The following DPP10 variants were observed in gnomAD, a reference collection of about 807,000 sequenced individuals.
DPP10 encodes dipeptidyl peptidase like 10.
DPP10 carries 33 observed loss-of-function variants against 120.9 expected under a neutral mutation model. That is an observed-to-expected ratio of 0.27 (90% CI 0.21 to 0.37). DPP10 has a LOEUF of 0.37. Ranked by LOEUF, DPP10 falls within the 10% of genes least tolerant of loss-of-function variation. The probability of loss-of-function intolerance (pLI) is 1.00; values close to 1 mark genes in which losing one functional copy is unlikely to be tolerated. For synonymous variants in DPP10, 337 were observed against 326.1 expected, an observed-to-expected ratio of 1.03 and a Z score of -0.36; for missense variants, 816 against 942.8, an observed-to-expected ratio of 0.87 and a Z score of 1.76.
chr2:115,251,492 C>G (rs1028443795), intron 1 of DPP10, among the ~76,000 whole-genome samples: 2 of 151,542 alleles, frequency 1.3e-5, no homozygotes, highest in African/African-American at 4.9e-5. Flanking sequence ...GACAAAAAAT[C>G]CCCAGGATCT....
intron 1 of DPP10, among the ~76,000 whole-genome samples, chr2:114,652,532 C>T (rs1342147199): frequency 6.6e-6 from 1 of 152,210 alleles, no homozygotes; most frequent in Non-Finnish European, 1.5e-5. Flanking sequence ...GTCTAAGCAG[C>T]AGGTGTTACG....
chr2:115,544,152 A>G (rs1405971563), intron 5 of DPP10, among the ~76,000 whole-genome samples: 2 of 152,060 alleles, frequency 1.3e-5, no homozygotes, highest in African/African-American at 4.8e-5. Flanking sequence ...TTCTAATGTT[A>G]TAAAATTTTG....
At chr2:114,541,780 T>A (rs1686972008) in intron 1 of DPP10, among the ~76,000 whole-genome samples, 1 of 152,148 alleles carries the variant, frequency 6.6e-6, no homozygotes, top group Non-Finnish European at 1.5e-5. Context: ...AACATGCTTA[T>A]GCCATATGTT....
intron 5 of DPP10, among the ~76,000 whole-genome samples, chr2:115,538,215 T>C (rs2078978069): frequency 6.6e-6 from 1 of 151,976 alleles, no homozygotes; most frequent in Admixed American, 6.6e-5. Context: ...CATGAAGACT[T>C]GGAAAATGCC....
intron 3 of DPP10, among the ~76,000 whole-genome samples, chr2:115,348,536 C>T (rs2063826845): frequency 6.6e-6 from 1 of 151,450 alleles, no homozygotes; most frequent in South Asian, 2.1e-4. Flanking sequence ...AGTGCATGTG[C>T]AGGTTTGTTA....
chr2:114,546,415 C>T (rs192567416), intron 1 of DPP10, among the ~76,000 whole-genome samples: 15 of 152,160 alleles, frequency 9.9e-5, no homozygotes, highest in African/African-American at 3.1e-4. Flanking sequence ...AAACCATTCA[C>T]GAAAAAATCA....
At chr2:114,926,965 C>T (rs532997658) in intron 1 of DPP10, among the ~76,000 whole-genome samples, 142 of 151,638 alleles carry the variant, frequency 9.4e-4, no homozygotes, top group African/African-American at 3.3e-3. Flanking sequence ...ATTCTTCTGC[C>T]TCAGCCTCCC....
chr2:114,998,967 C>T (rs894038107), intron 1 of DPP10, among the ~76,000 whole-genome samples: 20 of 152,252 alleles, frequency 1.3e-4, no homozygotes, highest in African/African-American at 4.8e-4. Flanking sequence ...ACTTAGATGA[C>T]CCAAGATAAT....
chr2:115,451,729 T>C (rs551742571), intron 3 of DPP10, among the ~76,000 whole-genome samples: 1 of 152,082 alleles, frequency 6.6e-6, no homozygotes, highest in East Asian at 1.9e-4. Context: ...TTCAAATTTA[T>C]GAATGTATAA....
intron 4 of DPP10, among the ~76,000 whole-genome samples, chr2:115,521,602 C>A (rs906710290): frequency 3.2e-5 from 4 of 124,248 alleles, no homozygotes; most frequent in East Asian, 3.1e-4. Context: ...AAATCTAATC[C>A]TTATTTTTTT....
chr2:114,944,642 A>T (rs935533374), intron 1 of DPP10, among the ~76,000 whole-genome samples: 10 of 152,170 alleles, frequency 6.6e-5, no homozygotes, highest in Non-Finnish European at 1.2e-4. Context: ...TTCTGTTTCT[A>T]TAGGAACCAT....
At chr2:115,424,729 A>G (rs536260438) in intron 3 of DPP10, among the ~76,000 whole-genome samples, 1 of 152,320 alleles carries the variant, frequency 6.6e-6, no homozygotes, top group East Asian at 1.9e-4. Context: ...ATGATTAAAA[A>G]TGTGTTTAAA....
intron 1 of DPP10, among the ~76,000 whole-genome samples, chr2:115,184,087 G>A (rs1009899710): frequency 6.6e-6 from 1 of 152,100 alleles, no homozygotes; most frequent in Non-Finnish European, 1.5e-5. Context: ...AGGGAATAGG[G>A]AACTCAACGA....
At chr2:115,632,835 C>T (rs1163532930) in intron 5 of DPP10, among the ~76,000 whole-genome samples, 3 of 152,112 alleles carry the variant, frequency 2.0e-5, no homozygotes, top group African/African-American at 7.2e-5. Context: ...AAAAAATGCT[C>T]ATCATCACTG....
At chr2:115,193,263 C>G (rs1488633912) in intron 1 of DPP10, among the ~76,000 whole-genome samples, 1 of 151,982 alleles carries the variant, frequency 6.6e-6, no homozygotes, top group Non-Finnish European at 1.5e-5. Context: ...AATTTACTTT[C>G]GGACAAGAAT....
chr2:115,386,860 A>G (rs2066976405), intron 3 of DPP10, among the ~76,000 whole-genome samples: 1 of 152,114 alleles, frequency 6.6e-6, no homozygotes, highest in African/African-American at 2.4e-5. Flanking sequence ...ATATGTTTAT[A>G]ATAATCAGTA....
At chr2:114,854,358 A>G (rs952041310) in intron 1 of DPP10, among the ~76,000 whole-genome samples, 2 of 152,224 alleles carry the variant, frequency 1.3e-5, no homozygotes, top group African/African-American at 4.8e-5. Flanking sequence ...ATTAGAGTTT[A>G]TATCTTCAAC....
intron 21 of DPP10, among the ~76,000 whole-genome samples, chr2:115,822,606 T>C (rs903967913): frequency 5.9e-5 from 9 of 151,950 alleles, no homozygotes; most frequent in Non-Finnish European, 1.2e-4. Flanking sequence ...TTTTGTTTGG[T>C]GTTCTGTTTT....
chr2:115,595,680 C>T (rs944641421), intron 5 of DPP10, among the ~76,000 whole-genome samples: 1 of 151,932 alleles, frequency 6.6e-6, no homozygotes, highest in Non-Finnish European at 1.5e-5. Flanking sequence ...CTTACTTAAA[C>T]CTTCAGTTTT....
Sources: gnomAD v4.1 joint callset for allele counts (sites outside exome capture counted in the v4.1 genomes callset) on GRCh38, gnomAD v4.1.1 for gene constraint, MANE v1.5 for transcripts, NCBI Gene and HGNC (gene_info 2026-07-23, HGNC 2026-07-21) for gene names.